The following TSC1 variants were observed in gnomAD, a reference collection of about 807,000 sequenced individuals.
The protein encoded by TSC1 is hamartin.
Under a neutral mutation model 124.3 loss-of-function variants are expected in TSC1, and 20 were observed. The observed-to-expected ratio is 0.16, with a 90% confidence interval of 0.11 to 0.23. The LOEUF (loss-of-function observed/expected upper bound fraction) is 0.23. Ranked by LOEUF, TSC1 falls within the 10% of genes least tolerant of loss-of-function variation. TSC1 has a pLI of 1.00. For missense variants in TSC1, 1,124 were observed against 1,448.5 expected (o/e 0.78, Z 3.64); for synonymous variants, 493 against 539.1 (o/e 0.91, Z 1.19).
intron 2 of TSC1, among the ~76,000 whole-genome samples, chr9:132,932,434 C>G (rs1238616104): frequency 1.3e-5 from 2 of 152,138 alleles, no homozygotes; most frequent in Non-Finnish European, 2.9e-5. Flanking sequence ...GCAGCAGCCC[C>G]CCTCACTACT....
In TSC1 at chr9:132,897,610, C is replaced by T. The variant is rs747602915; in HGVS notation, c.2626G>A (p.Glu876Lys). The T allele has an allele frequency of 7.9e-7, 1 of 1,266,812 alleles. No individual in the cohort carries two copies. The allele number at this position is 1,266,812 out of a possible 1,614,324, so 78.5% of individuals were successfully genotyped here. Residue 876 changes from glutamate (E) to lysine (K), a missense_variant and splice_region_variant, in exon 21 of 23, where the codon GAA becomes AAA. By Grantham distance (56) the Glu-to-Lys change is moderately conservative. Transcript: ENST00000298552. The stretch of plus-strand genomic sequence containing the variant: ...TAGGCGGCTTTCATCATTTCTACTT[C>T]CTGAAAAAAAAAAAAAAAAAAGACT... ...LQNKHSDTTK[E>K]VEMMKAAYRK...
Position 132,896,417 on chromosome 9 carries a change from C to T in TSC1, c.3313G>A (p.Asp1105Asn), listed in dbSNP as rs2131594917. 1 of 1,614,240 alleles carries T rather than the reference C, an allele frequency of 6.2e-7. No homozygotes were observed. The highest frequency in any genetic ancestry group is 8.5e-7 in the Non-Finnish European group (1 of 1,180,042). The change falls in exon 23 of 23, where the codon GAT (aspartate) becomes AAT (asparagine). Residue 1105 changes from aspartate to asparagine, a missense_variant. Asp to Asn is a conservative substitution (Grantham distance 23). Transcript: ENST00000298552. This position sits in a 1 kb window ranked among gnomAD's most constrained non-coding sequence, Gnocchi z 4.5. ...AGGCTACTGGTCATGCCGTCCTCAT[C>T]ACACTGGCTCTCGCTCTTATTACGA... Reference protein sequence around the residue: ...LFRNKSESQCDEDGMTSSLSE... With the variant: ...LFRNKSESQCNEDGMTSSLSE...
chr9:132,919,728 C>T (rs568472818), intron 8 of TSC1, among the ~76,000 whole-genome samples: 1 of 152,248 alleles, frequency 6.6e-6, no homozygotes, highest in East Asian at 1.9e-4. Flanking sequence ...CCCCAGGAGA[C>T]TAGGATGACA....
At chr9:132,913,654 G>A (rs1349887491) in intron 8 of TSC1, among the ~76,000 whole-genome samples, 1 of 151,624 alleles carries the variant, frequency 6.6e-6, no homozygotes, top group Admixed American at 6.6e-5. Flanking sequence ...GTGAACCCCC[G>A]TTTCTACTAA....
At chr9:132,917,381 C>A (rs1205612295) in intron 8 of TSC1, among the ~76,000 whole-genome samples, 1 of 152,070 alleles carries the variant, frequency 6.6e-6, no homozygotes, top group Non-Finnish European at 1.5e-5. Context: ...CCCAGGCTGG[C>A]GTGCAGTAGC....
chr9:132,929,348 T>C (rs3761840), intron 2 of TSC1, among the ~76,000 whole-genome samples: 62,672 of 151,934 alleles, frequency 0.41, 13,920 homozygotes, highest in South Asian at 0.6. Context: ...ACTAAATACA[T>C]ACTATTTCCT....
In TSC1 at chr9:132,910,986, C is replaced by A. The variant is rs2131955589; in HGVS notation, c.1141+16G>T. On this transcript the variant is annotated intron_variant, in intron 11 of 22. Coordinates refer to ENST00000298552, the MANE Select transcript of TSC1 (RefSeq NM_000368.5). The stretch of plus-strand genomic sequence containing the variant: ...GCCAAAACCAACTAATCAAATCCAA[C>A]CTAAGACATACATACCAGTTGTACC... 6.2e-7 allele frequency: 1 copy of A among 1,610,230 alleles called. No homozygotes were observed.
At position 132,902,114 on chromosome 9, in the gene TSC1, A is replaced by G. The variant is rs1342124150; in HGVS notation, c.2392-415T>C. Among the ~76,000 whole-genome samples the G allele has an allele frequency of 2.0e-5, 3 of 152,214 alleles. No homozygotes were observed. The highest frequency in any genetic ancestry group is 4.8e-5 in the African/African-American group (2 of 41,434). Reference sequence around the variant, plus strand: ...GCCGGGTTTTTTTGGGTGCAGTGATACAAAGCACCACAAGGAAAACCAGTG... The same window carrying G: ...GCCGGGTTTTTTTGGGTGCAGTGATGCAAAGCACCACAAGGAAAACCAGTG... On this transcript the variant is annotated intron_variant, in intron 18 of 22. Transcript: ENST00000298552. This position sits in a 1 kb window ranked among gnomAD's most constrained non-coding sequence, Gnocchi z 5.2.
chr9:132,897,208 T>C lies in TSC1; in HGVS notation c.2951A>G (p.Glu984Gly). The change falls in exon 22 of 23, where the codon GAA becomes GGA. Residue 984 changes from glutamate to glycine, a missense_variant. By Grantham distance (98) the Glu-to-Gly change is moderately conservative. Around this residue, in one of 5 missense-constraint regions of TSC1, gnomAD observed 325 missense variants for 383.4 expected, o/e 0.85. Transcript: ENST00000298552. ...CCTTTCTTCTGCTGCTTCAGCTGCT[T>C]CTGCTTTTTCTTCTTCAAGTTTTTT... ...LLKKLEEEKAEAAEAAEERLD... is the reference protein window; with the variant it reads ...LLKKLEEEKAGAAEAAEERLD... 6.2e-7 allele frequency: 1 copy of C among 1,614,178 alleles called. No individual in the cohort carries two copies. The highest frequency in any genetic ancestry group is 1.3e-5 in the African/African-American group (1 of 75,050).
intron 1 of TSC1, chr9:132,940,756 A>G (rs930826203): frequency 6.6e-6 from 1 of 152,244 alleles, no homozygotes; most frequent in African/African-American, 2.4e-5. Context: ...TATAAACTTT[A>G]TTATAACAAT....
rs555223900 is a variant in TSC1, at chr9:132,916,944, A to G, written c.737+4419T>C. Among the ~76,000 whole-genome samples, 6 of 152,322 alleles carry G rather than the reference A, an allele frequency of 3.9e-5. No individual in the cohort carries two copies. In the South Asian group the frequency reaches 1.2e-3, roughly 32 times the overall value. On this transcript the variant is annotated intron_variant, in intron 8 of 22. Coordinates refer to ENST00000298552, the MANE Select transcript of TSC1 (RefSeq NM_000368.5). ...TTTTACTCTCATTTTGGTGGAATAC[A>G]TGCTCCAGTGATTAACTGAGGAAGG...
rs2131532715 is a variant in TSC1 at position 132,892,441 on chromosome 9, G to A, written c.*3794C>T. 3 of 233,324 alleles carry A rather than the reference G, an allele frequency of 1.3e-5. No homozygotes were observed. Among genetic ancestry groups the A allele is most frequent in the Middle Eastern group, 1.3e-3 (1 of 786 alleles). The allele number at this position is 233,324 out of a possible 1,614,324, so 14.5% of individuals were successfully genotyped here. Reference sequence around the variant, plus strand: ...ATGTACCCTGGAGAGTGAAGGTGCAGCAGATAGGTATACTGATTTGAGTCA... The same window carrying A: ...ATGTACCCTGGAGAGTGAAGGTGCAACAGATAGGTATACTGATTTGAGTCA... On this transcript the variant is annotated 3_prime_UTR_variant, in exon 23 of 23. Coordinates refer to ENST00000298552, the MANE Select transcript of TSC1 (RefSeq NM_000368.5).
At chr9:132,914,110 G>A (rs1200811929) in intron 8 of TSC1, among the ~76,000 whole-genome samples, 1 of 151,800 alleles carries the variant, frequency 6.6e-6, no homozygotes, top group East Asian at 2.0e-4. Context: ...ATGTTTGCCA[G>A]GCTGGTCTTG....
chr9:132,927,070 T>G (rs1247931691), intron 4 of TSC1, 131 bp downstream of exon 4: 4 of 860,424 alleles, frequency 4.6e-6, no homozygotes, highest in Non-Finnish European at 7.6e-6. Flanking sequence ...AGTTATAAAC[T>G]GGGAACAATG....
chr9:132,920,795 C>T (rs7858160), intron 8 of TSC1, among the ~76,000 whole-genome samples: 24,689 of 151,900 alleles, frequency 0.16, 2,176 homozygotes, highest in African/African-American at 0.23. Context: ...CTTTATCTCC[C>T]TCGCTCAGTC....
intron 12 of TSC1, among the ~76,000 whole-genome samples, chr9:132,907,646 C>T (rs930476506): frequency 6.6e-6 from 1 of 152,188 alleles, no homozygotes; most frequent in African/African-American, 2.4e-5. Flanking sequence ...TGCACCACCA[C>T]GCCTGGCTAA....
intron 8 of TSC1, among the ~76,000 whole-genome samples, chr9:132,916,754 T>A (rs934044308): frequency 3.3e-5 from 5 of 152,184 alleles, no homozygotes; most frequent in African/African-American, 1.2e-4. Context: ...GGATTATTCC[T>A]CATCTTCCAG....
Position 132,903,965 on chromosome 9 carries a change from A to G in TSC1, c.2042-148T>C, listed in dbSNP as rs953234385. 49 of 907,550 alleles carry G rather than the reference A, an allele frequency of 5.4e-5. No homozygotes were observed. Among genetic ancestry groups the G allele is most frequent in the Non-Finnish European group, 8.1e-5 (47 of 578,750 alleles). The allele number at this position is 907,550 out of a possible 1,614,324, so 56.2% of individuals were successfully genotyped here. On this transcript the variant is annotated intron_variant, in intron 16 of 22. Transcript: ENST00000298552. The surrounding 1 kb of genome is among the most constrained non-coding windows in gnomAD (Gnocchi z 5.9). ...TGCAAATGACCACTTGACTCCCAGC[A>G]ACAGCAGGGGGGAAAGTATGGACTA...
At chr9:132,926,138 T>G in intron 4 of TSC1, 1 of 258,574 alleles carries the variant, frequency 3.9e-6, no homozygotes, top group Non-Finnish European at 7.5e-6. Flanking sequence ...AATTAGGTAG[T>G]AGAAGTTACA....
Sources: allele counts gnomAD v4.1 joint callset (sites outside exome capture counted in the v4.1 genomes callset), GRCh38; gene constraint gnomAD v4.1.1; regional missense constraint gnomAD v4.1.1; non-coding constraint Gnocchi (gnomAD v3.1); transcripts MANE v1.5; gene names NCBI Gene and HGNC (gene_info 2026-07-23, HGNC 2026-07-21).